CTNNA3: variants seen among roughly 807,000 people sequenced by gnomAD.
The protein encoded by CTNNA3 is catenin alpha 3.
Under a neutral mutation model 95.7 loss-of-function variants are expected in CTNNA3, and 76 were observed. The ratio of observed to expected loss-of-function variants is 0.79; its 90% confidence interval spans 0.66 to 0.96. The LOEUF (loss-of-function observed/expected upper bound fraction) is 0.96. Ranked by LOEUF, CTNNA3 falls within the 40% of genes least tolerant of loss-of-function variation. The probability of loss-of-function intolerance (pLI) is 0.00; values close to 1 mark genes in which losing one functional copy is unlikely to be tolerated. For missense variants in CTNNA3, 1,191 were observed against 1,089.8 expected (o/e 1.09, Z -1.31); for synonymous variants, 431 against 374.4 (o/e 1.15, Z -1.74).
chr10:67,527,894 C>T lies in CTNNA3; in HGVS notation c.460-5933G>A, dbSNP rs190989806. On this transcript the variant is annotated intron_variant, in intron 4 of 17. Coordinates refer to ENST00000433211, the MANE Select transcript of CTNNA3 (RefSeq NM_013266.4). ...TTATTATGAGAGTCTTTTGAGAAAG[C>T]TAGCCAAAGCTTTAGCAGAAAAACA... is the stretch of plus-strand genomic sequence containing the variant. Among the ~76,000 whole-genome samples the T allele has an allele frequency of 2.6e-5, 4 of 152,328 alleles. No homozygotes were observed. In the East Asian group the frequency reaches 7.7e-4, roughly 29 times the overall value.
At chr10:66,571,329 A>T (rs952208856) in intron 10 of CTNNA3, among the ~76,000 whole-genome samples, 1 of 152,178 alleles carries the variant, frequency 6.6e-6, no homozygotes, top group African/African-American at 2.4e-5. Context: ...TTTGGAGATT[A>T]AAAAATAGCA....
intron 10 of CTNNA3, among the ~76,000 whole-genome samples, chr10:66,614,914 T>A (rs1844456431): frequency 6.6e-6 from 1 of 152,012 alleles, no homozygotes; most frequent in Non-Finnish European, 1.5e-5. Flanking sequence ...TAGGTTTTCA[T>A]CATGATTTTT....
chr10:66,763,362 A>AGG (rs1252865334), intron 9 of CTNNA3, among the ~76,000 whole-genome samples: 14 of 135,630 alleles, frequency 1.0e-4, no homozygotes, highest in South Asian at 4.8e-4. Context: ...AGGGAGAGAG[A>AGG]GAGAAAGAGA....
chr10:66,958,308 C>CAAAAAAAAAAAAAA (rs35076056), intron 7 of CTNNA3, among the ~76,000 whole-genome samples: 1 of 86,946 alleles, frequency 1.2e-5, no homozygotes, highest in African/African-American at 4.1e-5. Flanking sequence ...TGCTTTCTTG[C>CAAAAAAAAAAAAAA]AAAAAAAAAA....
intron 7 of CTNNA3, among the ~76,000 whole-genome samples, chr10:67,068,944 C>G (rs981146529): frequency 3.9e-5 from 6 of 152,138 alleles, no homozygotes; most frequent in African/African-American, 1.4e-4. Flanking sequence ...CCTGTAATCC[C>G]AGCTACTCAG....
chr10:66,486,681 A>T (rs1424397715), intron 11 of CTNNA3, among the ~76,000 whole-genome samples: 7 of 152,182 alleles, frequency 4.6e-5, no homozygotes, highest in African/African-American at 9.7e-5. Context: ...CCACAATCCC[A>T]CTTCTGGGTA....
chr10:66,931,041 C>T (rs566968463), intron 7 of CTNNA3, among the ~76,000 whole-genome samples: 1 of 152,104 alleles, frequency 6.6e-6, no homozygotes, highest in Non-Finnish European at 1.5e-5. Flanking sequence ...GTTGCCTCAC[C>T]TCCATCCCAT....
At chr10:67,521,231 A>G (rs1839975159) in intron 5 of CTNNA3, among the ~76,000 whole-genome samples, 2 of 152,204 alleles carry the variant, frequency 1.3e-5, no homozygotes, top group Non-Finnish European at 2.9e-5. Flanking sequence ...ATATTAGGTT[A>G]TAAAGTACCA....
chr10:66,820,060 CA>C (rs71035186), intron 7 of CTNNA3, among the ~76,000 whole-genome samples: 8,720 of 115,940 alleles, frequency 0.075, 314 homozygotes, highest in East Asian at 0.16. Flanking sequence ...GTGATAATAG[CA>C]AAAAAAAAAA....
At chr10:66,389,319 A>G (rs932086581) in intron 11 of CTNNA3, among the ~76,000 whole-genome samples, 4 of 152,176 alleles carry the variant, frequency 2.6e-5, no homozygotes, top group Non-Finnish European at 5.9e-5. Flanking sequence ...CATTTAGAAT[A>G]TTATGTTTTG....
At chr10:67,597,430 A>C (rs564060945) in intron 3 of CTNNA3, among the ~76,000 whole-genome samples, 5 of 152,008 alleles carry the variant, frequency 3.3e-5, no homozygotes, top group Non-Finnish European at 7.4e-5. Flanking sequence ...CTTTGGATCG[A>C]GCTTTTTGCT....
At chr10:67,175,071 CAA>C (rs11453660) in intron 7 of CTNNA3, among the ~76,000 whole-genome samples, 2 of 66,264 alleles carry the variant, frequency 3.0e-5, no homozygotes, top group Non-Finnish European at 7.2e-5. Context: ...CAGTCCATGC[CAA>C]AAAAAAAAAA....
At chr10:67,143,722 T>C (rs990436076) in intron 7 of CTNNA3, among the ~76,000 whole-genome samples, 2 of 152,164 alleles carry the variant, frequency 1.3e-5, no homozygotes, top group Non-Finnish European at 2.9e-5. Flanking sequence ...TCAGGCTCCA[T>C]TTCTAACTCA....
At chr10:66,682,856 C>G (rs1034257698) in intron 9 of CTNNA3, among the ~76,000 whole-genome samples, 6 of 152,080 alleles carry the variant, frequency 3.9e-5, no homozygotes, top group Non-Finnish European at 7.4e-5. Flanking sequence ...TGAGGGCCAA[C>G]AAGCATTTGC....
chr10:66,965,549 G>GAA lies in CTNNA3; in HGVS notation c.1048-190027_1048-190026dup, dbSNP rs386371673. ...ACTCCGTCTCAAAAAAGAAAGAAAA[G>GAA]AAAAAAAAAAAAGCTGTTTTTTTTT... is the stretch of plus-strand genomic sequence containing the variant. On this transcript the variant is annotated intron_variant, in intron 7 of 17. Transcript: ENST00000433211. Among the ~76,000 whole-genome samples, 78 of 120,224 alleles carry GAA rather than the reference G, an allele frequency of 6.5e-4. 1 individual carries two copies. The highest frequency in any genetic ancestry group is 1.8e-3 in the East Asian group (8 of 4,332). The allele number at this position is 120,224 out of a possible 152,430, so 78.9% of individuals were successfully genotyped here. A position where few individuals can be genotyped will look rare whatever the true frequency, so the allele number is the denominator to read the frequency against.
intron 9 of CTNNA3, among the ~76,000 whole-genome samples, chr10:66,731,198 T>C (rs1848949266): frequency 6.6e-6 from 1 of 152,188 alleles, no homozygotes; most frequent in African/African-American, 2.4e-5. Flanking sequence ...GGCATTTGAA[T>C]TGAGCATTTA....
At chr10:67,344,865 T>C (rs1413287262) in intron 5 of CTNNA3, among the ~76,000 whole-genome samples, 3 of 151,978 alleles carry the variant, frequency 2.0e-5, no homozygotes, top group African/African-American at 7.2e-5. Flanking sequence ...TCTTTATTTA[T>C]AGTTTCTTCT....
intron 2 of CTNNA3, among the ~76,000 whole-genome samples, chr10:67,638,973 T>A (rs1839424497): frequency 6.6e-6 from 1 of 151,966 alleles, no homozygotes; most frequent in Admixed American, 6.6e-5. Context: ...GCAAACACAT[T>A]CAAAAGCTAG....
chr10:67,671,632 A>C (rs1840436248), intron 1 of CTNNA3, among the ~76,000 whole-genome samples: 1 of 151,374 alleles, frequency 6.6e-6, no homozygotes, highest in Non-Finnish European at 1.5e-5. Context: ...TCCTTGCGAT[A>C]GTTTGCTGAG....
Sources: gnomAD v4.1 joint callset for allele counts (sites outside exome capture counted in the v4.1 genomes callset) on GRCh38, gnomAD v4.1.1 for gene constraint, MANE v1.5 for transcripts, NCBI Gene and HGNC (gene_info 2026-07-23, HGNC 2026-07-21) for gene names.